Variants in CTNNA2 observed in about 807,000 individuals in gnomAD.
CTNNA2 encodes the protein catenin alpha 2, also known as catenin alpha-2.
A neutral mutation model predicts 101.0 loss-of-function variants in CTNNA2; 42 were observed. That is an observed-to-expected ratio of 0.42 (90% CI 0.32 to 0.54). The LOEUF (loss-of-function observed/expected upper bound fraction) is 0.54. Among genes scored for constraint, CTNNA2 ranks in the 20% least tolerant of loss-of-function variants. The pLI, the probability that CTNNA2 is intolerant of heterozygous loss-of-function variation, is 0.14. For synonymous variants in CTNNA2, 450 were observed against 456.4 expected, an observed-to-expected ratio of 0.99 and a Z score of 0.18; for missense variants, 871 against 1,223.1, an observed-to-expected ratio of 0.71 and a Z score of 4.29.
intron 17 of CTNNA2, chr2:80,618,849 C>T (rs1463572113): frequency 3.2e-6 from 1 of 312,212 alleles, no homozygotes; most frequent in East Asian, 5.0e-5. Context: ...ATTCTCCTCC[C>T]ACATGGTTCC....
At chr2:79,589,341 C>T (rs1676695642) in intron 1 of CTNNA2, among the ~76,000 whole-genome samples, 1 of 152,246 alleles carries the variant, frequency 6.6e-6, no homozygotes, top group Non-Finnish European at 1.5e-5. Context: ...AATTACTTAT[C>T]TTTTCTATCG....
chr2:80,489,999 A>T (rs1298584748), intron 9 of CTNNA2, among the ~76,000 whole-genome samples: 1 of 152,164 alleles, frequency 6.6e-6, no homozygotes, highest in African/African-American at 2.4e-5. Flanking sequence ...GACCTGAGTT[A>T]AAGTTAACCT....
intron 2 of CTNNA2, among the ~76,000 whole-genome samples, chr2:79,700,931 G>C (rs1439091551): frequency 2.0e-5 from 3 of 152,168 alleles, no homozygotes; most frequent in Non-Finnish European, 2.9e-5. Context: ...AGACTAGCAT[G>C]GAGGAGAAAT....
At chr2:80,293,358 G>A (rs1488180506) in intron 7 of CTNNA2, among the ~76,000 whole-genome samples, 1 of 152,192 alleles carries the variant, frequency 6.6e-6, no homozygotes, top group Non-Finnish European at 1.5e-5. Flanking sequence ...CACATAGTTT[G>A]CAATATTGAG....
intron 9 of CTNNA2, among the ~76,000 whole-genome samples, chr2:80,436,319 T>C (rs944161506): frequency 9.9e-5 from 15 of 152,266 alleles, no homozygotes; most frequent in African/African-American, 3.6e-4. Flanking sequence ...TGGGAGCTTG[T>C]TGGAAATATA....
chr2:79,852,473 T>C (rs1200761231), intron 3 of CTNNA2, among the ~76,000 whole-genome samples: 1 of 152,276 alleles, frequency 6.6e-6, no homozygotes, highest in African/African-American at 2.4e-5. Flanking sequence ...TTTGCCTTTT[T>C]CTTCATTTTC....
intron 3 of CTNNA2, among the ~76,000 whole-genome samples, chr2:79,784,986 G>T (rs948387108): frequency 6.6e-6 from 1 of 152,108 alleles, no homozygotes; most frequent in African/African-American, 2.4e-5. Context: ...GCTATATATT[G>T]ATGATATGTG....
intron 2 of CTNNA2, among the ~76,000 whole-genome samples, chr2:79,730,987 G>T (rs776132233): frequency 7.2e-5 from 11 of 151,874 alleles, no homozygotes; most frequent in Non-Finnish European, 1.3e-4. Context: ...AAATTTAAAA[G>T]AAATTAATAT....
chr2:80,459,204 A>G (rs1021617791), intron 9 of CTNNA2, among the ~76,000 whole-genome samples: 3 of 152,232 alleles, frequency 2.0e-5, no homozygotes, highest in African/African-American at 7.2e-5. Flanking sequence ...CTAAGGATGC[A>G]TTTCTTAGAA....
chr2:80,540,474 G>A (rs888419953), intron 9 of CTNNA2, among the ~76,000 whole-genome samples: 5 of 151,872 alleles, frequency 3.3e-5, no homozygotes, highest in African/African-American at 1.2e-4. Flanking sequence ...TTGGGTGCCT[G>A]TAACCCCAGC....
intron 2 of CTNNA2, among the ~76,000 whole-genome samples, chr2:79,249,202 C>G (rs1477443835): frequency 6.6e-6 from 1 of 152,152 alleles, no homozygotes; most frequent in East Asian, 1.9e-4. Flanking sequence ...TGACACATAG[C>G]TAATTTATGC....
rs1420307404 is a variant in CTNNA2, at chr2:80,306,378, TC to T, written c.1057-86832del. Among the ~76,000 whole-genome samples, 25 of 128,072 alleles carry T rather than the reference TC, an allele frequency of 2.0e-4. No individual in the cohort carries two copies. In the East Asian group the frequency reaches 2.0e-3, roughly 10 times the overall value. The allele number at this position is 128,072 out of a possible 152,430, so 84.0% of individuals were successfully genotyped here. A position where few individuals can be genotyped will look rare whatever the true frequency, so the allele number is the denominator to read the frequency against. On this transcript the variant is annotated intron_variant, in intron 7 of 18. Coordinates refer to ENST00000402739, the MANE Select transcript of CTNNA2 (RefSeq NM_001282597.3). Reference sequence around the variant, plus strand: ...ACAGATGGTTTTTTCTTTCTTTCTTTCTTTTCTTTTCTTTTCTTTTCTTTTC... The same window carrying T: ...ACAGATGGTTTTTTCTTTCTTTCTTTTTTTCTTTTCTTTTCTTTTCTTTTC...
chr2:80,642,288 ACTTGACTC>A (rs1255316732), intron 18 of CTNNA2, among the ~76,000 whole-genome samples: 1 of 152,078 alleles, frequency 6.6e-6, no homozygotes, highest in East Asian at 1.9e-4. Context: ...TCCTATCCCT[ACTTGACTC>A]AAGGTAAATT....
Position 80,058,649 on chromosome 2 carries a change from T to C in CTNNA2, c.1056+148852T>C, listed in dbSNP as rs560095195. Reference sequence around the variant, plus strand: ...CTGCTTGGCCAGAGAAGTAGGATCTTGGGAGGTGTTTGGGTAGATGTTATT... The same window carrying C: ...CTGCTTGGCCAGAGAAGTAGGATCTCGGGAGGTGTTTGGGTAGATGTTATT... On this transcript the variant is annotated intron_variant, in intron 7 of 18. Coordinates refer to ENST00000402739, the MANE Select transcript of CTNNA2 (RefSeq NM_001282597.3). Among the ~76,000 whole-genome samples, 3 of 152,278 alleles carry C rather than the reference T, an allele frequency of 2.0e-5. No homozygotes were observed. The East Asian group carries it at 5.8e-4, about 29-fold the overall frequency.
intron 18 of CTNNA2, among the ~76,000 whole-genome samples, chr2:80,636,545 G>C (rs1431514976): frequency 6.6e-6 from 1 of 152,096 alleles, no homozygotes; most frequent in Non-Finnish European, 1.5e-5. Flanking sequence ...GTATACCTGA[G>C]AATCGAATGA....
At chr2:79,429,589 T>G (rs1446394739) in intron 4 of CTNNA2, among the ~76,000 whole-genome samples, 1 of 152,166 alleles carries the variant, frequency 6.6e-6, no homozygotes, top group Non-Finnish European at 1.5e-5. Flanking sequence ...CTAAGGACTC[T>G]AAATTAAACA....
intron 2 of CTNNA2, among the ~76,000 whole-genome samples, chr2:79,712,398 C>T (rs905016635): frequency 6.6e-6 from 1 of 152,272 alleles, no homozygotes; most frequent in African/African-American, 2.4e-5. Flanking sequence ...ATTCTCAAAG[C>T]TCTAAACAGC....
intron 3 of CTNNA2, among the ~76,000 whole-genome samples, chr2:79,331,675 G>C (rs931771232): frequency 3.3e-5 from 5 of 152,052 alleles, no homozygotes; most frequent in African/African-American, 9.7e-5. Context: ...CCTGTGCATA[G>C]GGACCTCTCC....
At chr2:79,640,404 CTAGTCT>C (rs1010160596) in intron 1 of CTNNA2, among the ~76,000 whole-genome samples, 3 of 152,140 alleles carry the variant, frequency 2.0e-5, no homozygotes. Flanking sequence ...TCAAATATCA[CTAGTCT>C]TAAAGTTACT....
Sources: allele counts gnomAD v4.1 joint callset (sites outside exome capture counted in the v4.1 genomes callset), GRCh38; gene constraint gnomAD v4.1.1; transcripts MANE v1.5; gene names NCBI Gene and HGNC (gene_info 2026-07-23, HGNC 2026-07-21).